The following BAALC variants were observed in gnomAD, a reference collection of about 807,000 sequenced individuals.
BAALC encodes the protein brain and acute leukemia cytoplasmic protein.
A neutral mutation model predicts 15.5 loss-of-function variants in BAALC; 9 were observed. The observed-to-expected ratio is 0.58, with a 90% CI of 0.35 to 1.02. The LOEUF (loss-of-function observed/expected upper bound fraction) is 1.02. BAALC is among the 50% of genes least tolerant of loss of function. BAALC has a pLI of 0.02. For missense variants in BAALC, 201 were observed against 192.4 expected (o/e 1.04, Z -0.27); for synonymous variants, 80 against 74.6 (o/e 1.07, Z -0.37).
chr8:103,143,558 G>A (rs1810827122), intron 1 of BAALC, among the ~76,000 whole-genome samples: 1 of 152,206 alleles, frequency 6.6e-6, no homozygotes, highest in East Asian at 1.9e-4. Flanking sequence ...AGCCACGTGA[G>A]TCAAATGAGA....
At chr8:103,168,691 A>C (rs1157596099) in intron 1 of BAALC, among the ~76,000 whole-genome samples, 1 of 152,074 alleles carries the variant, frequency 6.6e-6, no homozygotes, top group Non-Finnish European at 1.5e-5. Context: ...GGCTGGCTGC[A>C]TACCTCTTGG....
intron 2 of BAALC, 171 bp downstream of exon 2, chr8:103,213,256 A>T: frequency 1.5e-6 from 1 of 660,552 alleles, no homozygotes; most frequent in Non-Finnish European, 2.4e-6. Flanking sequence ...CCACCCCAAA[A>T]CCCTGCCTTG....
intron 1 of BAALC, among the ~76,000 whole-genome samples, chr8:103,159,973 G>C (rs1811185326): frequency 6.6e-6 from 1 of 151,844 alleles, no homozygotes; most frequent in Non-Finnish European, 1.5e-5. Context: ...CTATGTGTTT[G>C]TATTGATATT....
At chr8:103,169,687 G>C (rs1053562649) in intron 1 of BAALC, among the ~76,000 whole-genome samples, 1 of 152,212 alleles carries the variant, frequency 6.6e-6, no homozygotes, top group Non-Finnish European at 1.5e-5. Context: ...GACTGAGTAG[G>C]GGAAGAAGCC....
At position 103,228,013 on chromosome 8, in the gene BAALC, C is replaced by G. The variant is rs1382262811; in HGVS notation, c.352C>G (p.Pro118Ala). The G allele has an allele frequency of 1.2e-6, 2 of 1,613,000 alleles. No homozygotes were observed. Among genetic ancestry groups the G allele is most frequent in the South Asian group, 1.1e-5 (1 of 91,024 alleles). The stretch of plus-strand genomic sequence containing the variant: ...GGCTAAAAGAGATGCTAAGAGAATG[C>G]CTGCAAAAGAAGTCACCATTAATGT... ...TEAKRDAKRM[P>A]AKEVTINVTD... The change falls in exon 3 of 3, where the codon CCT becomes GCT. Residue 118 changes from proline (P) to alanine (A), a missense_variant. Coordinates refer to ENST00000309982, the MANE Select transcript of BAALC (RefSeq NM_024812.3).
intron 1 of BAALC, among the ~76,000 whole-genome samples, chr8:103,177,042 T>C (rs984664624): frequency 2.6e-5 from 4 of 152,180 alleles, no homozygotes; most frequent in African/African-American, 9.7e-5. Context: ...TTTATGAAGG[T>C]TTTCCTCTGG....
At position 103,198,017 on chromosome 8, in the gene BAALC, AC is replaced by A. The variant is rs955174396; in HGVS notation, c.161-14900del. The A allele has an allele frequency of 3.4e-5, 22 of 654,116 alleles. No homozygotes were observed. In the African/African-American group the frequency reaches 3.4e-4, roughly 10 times the overall value. The allele number at this position is 654,116 out of a possible 1,614,324, so 40.5% of individuals were successfully genotyped here. On this transcript the variant is annotated intron_variant, in intron 1 of 2. Coordinates refer to ENST00000309982, the MANE Select transcript of BAALC (RefSeq NM_024812.3). ...AGAATCCTCTGCTCTGTGAGGACTA[AC>A]CATGCCTGATTTGAGCCATTAAATA...
At chr8:103,195,413 T>C (rs1011819961) in intron 1 of BAALC, among the ~76,000 whole-genome samples, 4 of 152,176 alleles carry the variant, frequency 2.6e-5, no homozygotes, top group Non-Finnish European at 5.9e-5. Context: ...AACCCCTAAA[T>C]GGCAAATGCA....
chr8:103,141,694 G>T (rs943336362), intron 1 of BAALC, among the ~76,000 whole-genome samples: 1 of 152,212 alleles, frequency 6.6e-6, no homozygotes, highest in Non-Finnish European at 1.5e-5. Context: ...TGGAGCAGTT[G>T]TTCCATAGCA....
At chr8:103,220,233 T>C (rs1812648259) in intron 2 of BAALC, among the ~76,000 whole-genome samples, 1 of 152,234 alleles carries the variant, frequency 6.6e-6, no homozygotes, top group African/African-American at 2.4e-5. Context: ...ATCACCCATA[T>C]TGACATTGGC....
chr8:103,141,208 T>C (rs1471377800), intron 1 of BAALC, 151 bp downstream of exon 1: 4 of 867,284 alleles, frequency 4.6e-6, no homozygotes, highest in African/African-American at 1.8e-5. Flanking sequence ...CACTGATCAG[T>C]GGACAGATGC....
chr8:103,159,825 A>G (rs1052969396), intron 1 of BAALC, among the ~76,000 whole-genome samples: 1 of 151,970 alleles, frequency 6.6e-6, no homozygotes, highest in Non-Finnish European at 1.5e-5. Flanking sequence ...CGATTTCTCT[A>G]AGGAGCCCTG....
intron 1 of BAALC, among the ~76,000 whole-genome samples, chr8:103,205,200 T>G (rs2130043438): frequency 6.6e-6 from 1 of 152,300 alleles, no homozygotes; most frequent in South Asian, 2.1e-4. Context: ...TCCACATGGC[T>G]TCTAGCTACC....
At chr8:103,171,241 GA>G (rs1811478832) in intron 1 of BAALC, among the ~76,000 whole-genome samples, 1 of 145,726 alleles carries the variant, frequency 6.9e-6, no homozygotes, top group African/African-American at 2.5e-5. Flanking sequence ...CAGAAAGAAA[GA>G]AAGGAAGGAA....
chr8:103,223,752 T>C (rs189670873), intron 2 of BAALC, among the ~76,000 whole-genome samples: 77 of 152,318 alleles, frequency 5.1e-4, no homozygotes, highest in African/African-American at 1.8e-3. Flanking sequence ...CAGACTGAAA[T>C]AAAGAGCTTT....
chr8:103,156,075 A>G (rs768549409), intron 1 of BAALC, among the ~76,000 whole-genome samples: 2 of 152,216 alleles, frequency 1.3e-5, no homozygotes, highest in Non-Finnish European at 2.9e-5. Flanking sequence ...CTGTGTTCCA[A>G]TGCCCACTCC....
intron 1 of BAALC, among the ~76,000 whole-genome samples, chr8:103,169,510 A>G (rs1208035209): frequency 6.6e-6 from 1 of 152,140 alleles, no homozygotes; most frequent in African/African-American, 2.4e-5. Flanking sequence ...AGCTCCATTT[A>G]TGACGTTGGG....
intron 2 of BAALC, among the ~76,000 whole-genome samples, chr8:103,221,708 C>T (rs2130090082): frequency 6.6e-6 from 1 of 152,306 alleles, no homozygotes; most frequent in East Asian, 1.9e-4. Context: ...GATAAAATAT[C>T]TGGCATTGTG....
At chr8:103,173,182 C>T (rs912902748) in intron 1 of BAALC, among the ~76,000 whole-genome samples, 1 of 152,152 alleles carries the variant, frequency 6.6e-6, no homozygotes, top group Non-Finnish European at 1.5e-5. Context: ...TAGCCATCCA[C>T]GGCACTTACT....
Sources: allele counts gnomAD v4.1 joint callset (sites outside exome capture counted in the v4.1 genomes callset), GRCh38; gene constraint gnomAD v4.1.1; transcripts MANE v1.5; gene names NCBI Gene and HGNC (gene_info 2026-07-23, HGNC 2026-07-21).